Variants in FMNL2 observed in about 807,000 individuals in gnomAD.
FMNL2 encodes the protein formin like 2.
A neutral mutation model predicts 130.2 loss-of-function variants in FMNL2; 51 were observed. The observed-to-expected ratio is 0.39, with a 90% CI of 0.31 to 0.49. The LOEUF is 0.49. Ranked by LOEUF, FMNL2 falls within the 20% of genes least tolerant of loss-of-function variation. FMNL2 has a pLI of 0.85. For missense variants in FMNL2, 977 were observed against 1,316.2 expected, an observed-to-expected ratio of 0.74 and a Z score of 3.99; for synonymous variants, 465 against 467.1, an observed-to-expected ratio of 1.00 and a Z score of 0.06.
chr2:152,628,208 A>ATATCATC (rs1242586526), intron 17 of FMNL2, 91 bp from the exon 18 acceptor site: 1 of 1,078,914 alleles, frequency 9.3e-7, no homozygotes. Context: ...CAGATGGATG[A>ATATCATC]TGGATGGATG....
intron 1 of FMNL2, among the ~76,000 whole-genome samples, chr2:152,413,900 T>G (rs944175692): frequency 1.3e-5 from 2 of 152,252 alleles, no homozygotes; most frequent in Non-Finnish European, 2.9e-5. Flanking sequence ...ACCCATGTGG[T>G]GACTTTTATC....
intron 2 of FMNL2, among the ~76,000 whole-genome samples, chr2:152,541,612 T>C (rs1321698807): frequency 1.3e-5 from 2 of 152,182 alleles, no homozygotes; most frequent in East Asian, 1.9e-4. Flanking sequence ...CCTCCAACCA[T>C]GACTTTCAGG....
chr2:152,647,756 AAAG>A (rs1291950020), intron 25 of FMNL2, 37 bp from the exon 26 acceptor site: 2 of 1,590,872 alleles, frequency 1.3e-6, no homozygotes, highest in Non-Finnish European at 8.6e-7. Flanking sequence ...ACATGCTATT[AAAG>A]GTTGCTATTC....
intron 2 of FMNL2, among the ~76,000 whole-genome samples, chr2:152,532,797 AG>A (rs1693781761): frequency 6.6e-6 from 1 of 151,896 alleles, no homozygotes; most frequent in South Asian, 2.1e-4. Context: ...TAGTAGAGAC[AG>A]GGTTTCACCA....
intron 1 of FMNL2, among the ~76,000 whole-genome samples, chr2:152,427,015 C>T (rs1687233583): frequency 6.6e-6 from 1 of 152,180 alleles, no homozygotes; most frequent in Non-Finnish European, 1.5e-5. Context: ...AATAGCGAGT[C>T]AGTGTTTTTG....
intron 4 of FMNL2, among the ~76,000 whole-genome samples, chr2:152,550,351 T>C (rs549562662): frequency 1.3e-5 from 2 of 152,348 alleles, no homozygotes; most frequent in East Asian, 3.9e-4. Flanking sequence ...ACCTTGAGAA[T>C]GAAATATTCA....
At chr2:152,559,071 G>A (rs915310772) in intron 5 of FMNL2, among the ~76,000 whole-genome samples, 6 of 152,128 alleles carry the variant, frequency 3.9e-5, no homozygotes, top group East Asian at 1.9e-4. Context: ...CAAAAGTAAC[G>A]CTTTCTTTAG....
chr2:152,446,945 G>A (rs1376839428), intron 1 of FMNL2, among the ~76,000 whole-genome samples: 4 of 151,958 alleles, frequency 2.6e-5, no homozygotes, highest in Non-Finnish European at 5.9e-5. Flanking sequence ...AGGGAAGGAA[G>A]TGGTAAGTCA....
chr2:152,380,956 A>G (rs983118385), intron 1 of FMNL2, among the ~76,000 whole-genome samples: 1 of 152,212 alleles, frequency 6.6e-6, no homozygotes, highest in African/African-American at 2.4e-5. Flanking sequence ...CAAAATGGGA[A>G]CTTAGTATAA....
At chr2:152,645,460 T>C in intron 25 of FMNL2, 1 of 1,290,048 alleles carries the variant, frequency 7.8e-7, no homozygotes, top group Non-Finnish European at 1.0e-6. Context: ...TATCACTAAA[T>C]TTCCAAATGT....
At chr2:152,646,486 C>CCCGGT (rs906244338) in intron 25 of FMNL2, among the ~76,000 whole-genome samples, 1 of 152,024 alleles carries the variant, frequency 6.6e-6, no homozygotes, top group Non-Finnish European at 1.5e-5. Context: ...GGAACTGGGG[C>CCCGGT]CCGGTTTTGC....
chr2:152,463,768 T>G lies in FMNL2; in HGVS notation c.118-58175T>G, dbSNP rs531459989. Among the ~76,000 whole-genome samples the G allele has an allele frequency of 7.8e-4, 119 of 152,342 alleles. No individual in the cohort carries two copies. In the Middle Eastern group the frequency reaches 0.014, roughly 17 times the overall value. ...GTTTTTCTAATAGGTATCCTAGAGC[T>G]CCCGGTACTACTCAGCCAGGATTTA... On this transcript the variant is annotated intron_variant, in intron 1 of 25. Coordinates refer to ENST00000288670, the MANE Select transcript of FMNL2 (RefSeq NM_052905.4).
In FMNL2 at chr2:152,647,986, C is replaced by A; in HGVS notation, c.*81C>A. 2 of 1,124,524 alleles carry A rather than the reference C, an allele frequency of 1.8e-6. No homozygotes were observed. The highest frequency in any genetic ancestry group is 2.5e-6 in the Non-Finnish European group (2 of 784,388). 69.7% of individuals were successfully genotyped at this position (1,124,524 alleles called of 1,614,324 possible). On this transcript the variant is annotated 3_prime_UTR_variant, in exon 26 of 26. Transcript: ENST00000288670. Reference sequence around the variant, plus strand: ...AACTTTATGTGCTACGATTTAACTGCAGCCTTGAACACACACAAAAATATT... The same window carrying A: ...AACTTTATGTGCTACGATTTAACTGAAGCCTTGAACACACACAAAAATATT...
At chr2:152,450,242 T>C (rs1326496829) in intron 1 of FMNL2, among the ~76,000 whole-genome samples, 1 of 152,264 alleles carries the variant, frequency 6.6e-6, no homozygotes, top group Non-Finnish European at 1.5e-5. Context: ...CTTGTTTTTT[T>C]CTTTGCTTTA....
At chr2:152,492,833 G>A (rs1691288276) in intron 1 of FMNL2, among the ~76,000 whole-genome samples, 1 of 152,128 alleles carries the variant, frequency 6.6e-6, no homozygotes, top group Non-Finnish European at 1.5e-5. Context: ...CAAAGAGGCA[G>A]TGTTTATGTG....
chr2:152,525,261 G>T (rs2105417813), intron 2 of FMNL2, among the ~76,000 whole-genome samples: 1 of 152,300 alleles, frequency 6.6e-6, no homozygotes, highest in South Asian at 2.1e-4. Context: ...GATTTAGGGG[G>T]TGCCTACAGA....
chr2:152,643,596 G>A, intron 25 of FMNL2: 1 of 1,519,626 alleles, frequency 6.6e-7, no homozygotes, highest in Non-Finnish European at 8.8e-7. Context: ...GTCTGTCAGG[G>A]CCCACCAACA....
chr2:152,489,733 G>A (rs997842397), intron 1 of FMNL2, among the ~76,000 whole-genome samples: 3 of 152,194 alleles, frequency 2.0e-5, no homozygotes, highest in African/African-American at 7.2e-5. Flanking sequence ...ATACATTGAT[G>A]TTACTTCATT....
At chr2:152,455,383 T>C (rs1264196674) in intron 1 of FMNL2, among the ~76,000 whole-genome samples, 2 of 151,552 alleles carry the variant, frequency 1.3e-5, no homozygotes, top group African/African-American at 4.9e-5. Context: ...AACAAACAAA[T>C]CAACAGAATG....
Sources: allele counts gnomAD v4.1 joint callset (sites outside exome capture counted in the v4.1 genomes callset), GRCh38; gene constraint gnomAD v4.1.1; transcripts MANE v1.5; gene names NCBI Gene and HGNC (gene_info 2026-07-23, HGNC 2026-07-21).